The following PCLO variants were observed in gnomAD, a reference collection of about 807,000 sequenced individuals.
PCLO encodes piccolo presynaptic cytomatrix protein, also known as protein piccolo.
A neutral mutation model predicts 427.5 loss-of-function variants in PCLO; 82 were observed. The observed-to-expected ratio is 0.19, with a 90% CI of 0.16 to 0.23. The LOEUF is 0.23. PCLO is among the 10% of genes least tolerant of loss of function. PCLO has a pLI of 1.00. For synonymous variants in PCLO, 2,357 were observed against 2,155.4 expected (o/e 1.09, Z -2.59); for missense variants, 6,239 against 6,115.9 (o/e 1.02, Z -0.67).
chr7:82,891,247 A>C (rs1793757971), intron 9 of PCLO, among the ~76,000 whole-genome samples: 1 of 152,088 alleles, frequency 6.6e-6, no homozygotes, highest in Admixed American at 6.6e-5. Flanking sequence ...TCTTTTTTAA[A>C]AGCTGTTCTT....
At chr7:82,841,705 A>G (rs1348549301) in intron 13 of PCLO, among the ~76,000 whole-genome samples, 196 bp from the exon 14 acceptor site, 2 of 152,026 alleles carry the variant, frequency 1.3e-5, no homozygotes, top group Non-Finnish European at 2.9e-5. Flanking sequence ...AGATGCATAA[A>G]TCTATTTTTC....
intron 3 of PCLO, among the ~76,000 whole-genome samples, chr7:83,074,558 A>C (rs1471362733): frequency 6.6e-6 from 1 of 152,176 alleles, no homozygotes; most frequent in Admixed American, 6.5e-5. Context: ...CAGCCATTAA[A>C]ATCTTTTAAA....
intron 10 of PCLO, among the ~76,000 whole-genome samples, chr7:82,874,351 C>T (rs544746048): frequency 3.9e-5 from 6 of 152,132 alleles, no homozygotes; most frequent in African/African-American, 1.4e-4. Flanking sequence ...GCAACCTCTG[C>T]CTCCTGGGCT....
chr7:82,969,327 C>CT (rs1387294904), intron 3 of PCLO, among the ~76,000 whole-genome samples: 1 of 152,022 alleles, frequency 6.6e-6, no homozygotes, highest in Non-Finnish European at 1.5e-5. Context: ...AACCATTAAA[C>CT]TACTAAGGTT....
At chr7:83,073,578 T>A (rs1016837192) in intron 3 of PCLO, among the ~76,000 whole-genome samples, 1 of 151,974 alleles carries the variant, frequency 6.6e-6, no homozygotes, top group African/African-American at 2.4e-5. Context: ...ACATTTGTAA[T>A]GCAAACAAAG....
Position 82,757,536 on chromosome 7 carries a change from T to C in PCLO, c.*1039A>G, listed in dbSNP as rs1373143518. On this transcript the variant is annotated 3_prime_UTR_variant, in exon 25 of 25. Transcript: ENST00000333891. ...TAAAATATTATGAAATGAGGATCCA[T>C]TTAATTAATCAATGTCACAAGATTA... is the stretch of plus-strand genomic sequence containing the variant. 6.6e-6 allele frequency: 1 copy of C among 151,920 alleles called. No homozygotes were observed. Among genetic ancestry groups the C allele is most frequent in the African/African-American group, 2.4e-5 (1 of 41,412 alleles). The allele number at this position is 151,920 out of a possible 1,614,324, so 9.4% of individuals were successfully genotyped here.
chr7:82,822,151 T>C, intron 20 of PCLO: 1 of 1,070,478 alleles, frequency 9.3e-7, no homozygotes, highest in South Asian at 3.0e-5. Flanking sequence ...TGCTTATAAT[T>C]TCTGTATTCT....
intron 3 of PCLO, among the ~76,000 whole-genome samples, chr7:83,124,835 G>A (rs755108803): frequency 2.0e-5 from 3 of 151,996 alleles, no homozygotes; most frequent in Non-Finnish European, 4.4e-5. Flanking sequence ...CTGCGATCTC[G>A]GCTCACTGCA....
chr7:82,861,942 T>A (rs1792968312), intron 10 of PCLO, among the ~76,000 whole-genome samples: 4 of 151,866 alleles, frequency 2.6e-5, no homozygotes, highest in African/African-American at 7.2e-5. Context: ...AAACACATAC[T>A]AAAACCCATG....
chr7:83,067,153 T>G (rs1789690099), intron 3 of PCLO, among the ~76,000 whole-genome samples: 1 of 152,196 alleles, frequency 6.6e-6, no homozygotes, highest in Non-Finnish European at 1.5e-5. Flanking sequence ...TATATGCAGA[T>G]ATTCCAAAAT....
chr7:82,799,103 T>C (rs1254674693), intron 22 of PCLO, among the ~76,000 whole-genome samples: 1 of 152,216 alleles, frequency 6.6e-6, no homozygotes, highest in Non-Finnish European at 1.5e-5. Flanking sequence ...TTAACATTTA[T>C]ACTAAAACAA....
At chr7:83,128,841 G>A (rs1791504687) in intron 3 of PCLO, among the ~76,000 whole-genome samples, 1 of 152,142 alleles carries the variant, frequency 6.6e-6, no homozygotes, top group Admixed American at 6.5e-5. Context: ...TGGCCAGTTT[G>A]TAGACTTAGC....
At chr7:82,804,606 C>A (rs6467913) in intron 21 of PCLO, among the ~76,000 whole-genome samples, 91,784 of 151,964 alleles carry the variant, frequency 0.6, 28,980 homozygotes, top group East Asian at 0.85. Flanking sequence ...AGCTCTGCAA[C>A]GTGCCAGTTA....
chr7:82,963,123 C>T (rs1478766465), intron 4 of PCLO, among the ~76,000 whole-genome samples: 3 of 151,864 alleles, frequency 2.0e-5, no homozygotes, highest in Non-Finnish European at 4.4e-5. Flanking sequence ...TAAACAATAC[C>T]TGTTTCTTTG....
intron 3 of PCLO, among the ~76,000 whole-genome samples, chr7:83,008,277 T>C (rs1429326493): frequency 2.6e-5 from 4 of 151,690 alleles, no homozygotes. Context: ...TCTTTTAAGG[T>C]CAAAATAGTC....
intron 13 of PCLO, among the ~76,000 whole-genome samples, chr7:82,843,667 T>A (rs1184224151): frequency 1.4e-5 from 2 of 146,962 alleles, no homozygotes; most frequent in African/African-American, 5.0e-5. Flanking sequence ...ACGTATTCAT[T>A]TTTTTTTTTT....
intron 6 of PCLO, among the ~76,000 whole-genome samples, chr7:82,930,707 C>T (rs967191027): frequency 2.0e-5 from 3 of 152,056 alleles, no homozygotes; most frequent in Non-Finnish European, 4.4e-5. Flanking sequence ...TTCAAACACA[C>T]CCAGATACCT....
rs752492802 is a variant in PCLO at position 83,155,116 on chromosome 7, G to A, written c.1525C>T (p.Pro509Ser). The change falls in exon 2 of 25, where the codon CCC (proline) becomes TCC (serine). Residue 509 changes from proline (P) to serine (S), a missense_variant. Transcript: ENST00000333891. ...GCTGGGCCAGGCTGTTGAGGTGGGG[G>A]TTTTGTTGAGCCAGGCTGTTGAGAT... Reference protein sequence around the residue: ...PPSQQPGSTKPPPQQPGPAKP... With the variant: ...PPSQQPGSTKSPPQQPGPAKP... The A allele has an allele frequency of 8.4e-6, 13 of 1,541,136 alleles. No individual in the cohort carries two copies. Among genetic ancestry groups the A allele is most frequent in the Non-Finnish European group, 1.1e-5 (13 of 1,134,070 alleles).
At chr7:82,979,584 C>A (rs1288446679) in intron 3 of PCLO, among the ~76,000 whole-genome samples, 2 of 152,168 alleles carry the variant, frequency 1.3e-5, no homozygotes, top group African/African-American at 4.8e-5. Flanking sequence ...TCCAATCTTT[C>A]ACTCAGCATA....
Sources: allele counts gnomAD v4.1 joint callset (sites outside exome capture counted in the v4.1 genomes callset), GRCh38; gene constraint gnomAD v4.1.1; transcripts MANE v1.5; gene names NCBI Gene and HGNC (gene_info 2026-07-23, HGNC 2026-07-21).